PTPRA: variants seen among roughly 807,000 people sequenced by gnomAD.
The protein encoded by PTPRA is receptor-type tyrosine-protein phosphatase alpha.
A neutral mutation model predicts 104.8 loss-of-function variants in PTPRA; 25 were observed. That is an observed-to-expected ratio of 0.24 (90% CI 0.17 to 0.33). PTPRA has a LOEUF of 0.33. Among genes scored for constraint, PTPRA ranks in the 10% least tolerant of loss-of-function variants. The pLI, the probability that PTPRA is intolerant of heterozygous loss-of-function variation, is 1.00. For missense variants in PTPRA, 765 were observed against 1,015.3 expected, an observed-to-expected ratio of 0.75 and a Z score of 3.35; for synonymous variants, 323 against 368.9, an observed-to-expected ratio of 0.88 and a Z score of 1.43.
At chr20:2,952,631 A>G (rs542324231) in intron 3 of PTPRA, among the ~76,000 whole-genome samples, 4 of 152,286 alleles carry the variant, frequency 2.6e-5, no homozygotes, top group African/African-American at 7.2e-5. Flanking sequence ...GCATAGTCAC[A>G]TTGTTGTGCA....
intron 6 of PTPRA, among the ~76,000 whole-genome samples, chr20:2,977,999 A>G (rs973483409): frequency 6.6e-6 from 1 of 152,064 alleles, no homozygotes; most frequent in Non-Finnish European, 1.5e-5. Flanking sequence ...CAAATGGGGA[A>G]AATGAAGACA....
intron 5 of PTPRA, among the ~76,000 whole-genome samples, chr20:2,972,128 C>T (rs1247027546): frequency 1.3e-5 from 2 of 152,088 alleles, no homozygotes; most frequent in Non-Finnish European, 2.9e-5. Context: ...TGCGCCCTGC[C>T]AGTTTTTATT....
chr20:3,033,240 G>A lies in PTPRA; in HGVS notation c.1921-2345G>A, dbSNP rs370483839. The stretch of plus-strand genomic sequence containing the variant: ...GGGCTCCTGATTTCCTCCTTCCCCC[G>A]ACACCAGTCCACCCCACTCTTAGCC... On this transcript the variant is annotated intron_variant, in intron 20 of 23. Transcript: ENST00000399903. 7.1e-4 allele frequency among the ~76,000 whole-genome samples: 107 copies of A among 151,632 alleles called. 1 individual carries two copies. The highest frequency in any genetic ancestry group is 2.0e-3 in the African/African-American group (82 of 41,352).
At chr20:2,942,344 T>C (rs948133963) in intron 2 of PTPRA, among the ~76,000 whole-genome samples, 3 of 152,198 alleles carry the variant, frequency 2.0e-5, no homozygotes, top group African/African-American at 7.2e-5. Flanking sequence ...ATTTTCTTTT[T>C]TGTGTGCTTT....
chr20:2,957,209 T>G (rs2061567544), intron 3 of PTPRA, among the ~76,000 whole-genome samples: 1 of 152,088 alleles, frequency 6.6e-6, no homozygotes, highest in African/African-American at 2.4e-5. Flanking sequence ...GGCATGAACC[T>G]GGGAGGCGGA....
At chr20:2,878,433 C>T (rs1019424419) in intron 1 of PTPRA, among the ~76,000 whole-genome samples, 8 of 152,150 alleles carry the variant, frequency 5.3e-5, no homozygotes, top group African/African-American at 1.9e-4. Flanking sequence ...TAGTCTTGAA[C>T]TCCTGGACTC....
intron 9 of PTPRA, among the ~76,000 whole-genome samples, chr20:2,991,089 C>T (rs2063152346): frequency 6.6e-6 from 1 of 152,158 alleles, no homozygotes; most frequent in Non-Finnish European, 1.5e-5. Context: ...CACAGTGGCT[C>T]ACACCTGTAA....
At chr20:3,019,466 A>C (rs1269550708) in intron 13 of PTPRA, among the ~76,000 whole-genome samples, 2 of 133,112 alleles carry the variant, frequency 1.5e-5, no homozygotes, top group African/African-American at 2.8e-5. Context: ...TGCTCCTCAC[A>C]TCCCGGACGG....
intron 2 of PTPRA, among the ~76,000 whole-genome samples, chr20:2,930,440 G>A (rs1158612899): frequency 6.6e-6 from 1 of 152,110 alleles, no homozygotes; most frequent in African/African-American, 2.4e-5. Flanking sequence ...TGTAGTTTGG[G>A]GACCCATATT....
At chr20:2,983,748 A>G (rs530469270) in intron 6 of PTPRA, among the ~76,000 whole-genome samples, 3 of 152,058 alleles carry the variant, frequency 2.0e-5, no homozygotes, top group African/African-American at 4.8e-5. Context: ...GGTGAGGGAA[A>G]GGTTTTAAAC....
chr20:2,966,741 G>A (rs532638945), intron 5 of PTPRA, among the ~76,000 whole-genome samples: 10 of 152,302 alleles, frequency 6.6e-5, no homozygotes, highest in African/African-American at 2.4e-4. Flanking sequence ...TTTGTGGAAT[G>A]TTTTTCAGTG....
intron 1 of PTPRA, among the ~76,000 whole-genome samples, chr20:2,906,854 A>G (rs1398287324): frequency 6.6e-6 from 1 of 152,210 alleles, no homozygotes; most frequent in Admixed American, 6.5e-5. Context: ...TTCTTATAAC[A>G]TTTACCTTTT....
At chr20:2,902,735 TTTTAA>T (rs1299027533) in intron 1 of PTPRA, among the ~76,000 whole-genome samples, 2 of 152,236 alleles carry the variant, frequency 1.3e-5, no homozygotes, top group Admixed American at 6.5e-5. Context: ...GAAGATTAGA[TTTTAA>T]TTTGAGAATT....
intron 11 of PTPRA, among the ~76,000 whole-genome samples, chr20:3,012,750 A>G (rs1217978997): frequency 6.6e-6 from 1 of 152,230 alleles, no homozygotes; most frequent in Non-Finnish European, 1.5e-5. Context: ...CGTTTGTTGC[A>G]TCCTTTTTGT....
intron 6 of PTPRA, among the ~76,000 whole-genome samples, chr20:2,985,154 A>T (rs2148120636): frequency 6.6e-6 from 1 of 152,324 alleles, no homozygotes; most frequent in Admixed American, 6.5e-5. Context: ...GTTGAATCAG[A>T]TGAGGATGGG....
intron 9 of PTPRA, among the ~76,000 whole-genome samples, chr20:2,996,043 C>T (rs2063381843): frequency 6.6e-6 from 1 of 152,242 alleles, no homozygotes; most frequent in Admixed American, 6.5e-5. Context: ...CCAGTAACAT[C>T]ACCCACGTTT....
At chr20:2,880,291 A>G (rs1395642069) in intron 1 of PTPRA, among the ~76,000 whole-genome samples, 2 of 152,240 alleles carry the variant, frequency 1.3e-5, no homozygotes, top group African/African-American at 2.4e-5. Context: ...AAAAGATAAG[A>G]TAAAACATTT....
At chr20:3,023,822 CTTCT>C (rs1024571671) in intron 16 of PTPRA, among the ~76,000 whole-genome samples, 9 of 152,214 alleles carry the variant, frequency 5.9e-5, no homozygotes, top group African/African-American at 2.2e-4. Flanking sequence ...GTCTCTGTGT[CTTCT>C]TTCTTTCCTC....
intron 2 of PTPRA, among the ~76,000 whole-genome samples, chr20:2,942,703 T>C (rs943959887): frequency 6.6e-6 from 1 of 151,158 alleles, no homozygotes; most frequent in Non-Finnish European, 1.5e-5. Flanking sequence ...TATGAGTCAA[T>C]TCCTTAAAAT....
Sources: allele counts gnomAD v4.1 joint callset (sites outside exome capture counted in the v4.1 genomes callset), GRCh38; gene constraint gnomAD v4.1.1; transcripts MANE v1.5; gene names NCBI Gene and HGNC (gene_info 2026-07-23, HGNC 2026-07-21).